The following NRG3 variants were observed in gnomAD, a reference collection of about 807,000 sequenced individuals.
NRG3 encodes the protein pro-neuregulin-3, membrane-bound isoform.
In NRG3, 31 loss-of-function variants were observed where a neutral mutation model predicts 66.9. That is an observed-to-expected ratio of 0.46 (90% CI 0.35 to 0.63). The LOEUF (loss-of-function observed/expected upper bound fraction) is 0.63. Ranked by LOEUF, NRG3 falls within the 20% of genes least tolerant of loss-of-function variation. The probability of loss-of-function intolerance (pLI) is 0.00; values close to 1 mark genes in which losing one functional copy is unlikely to be tolerated. For missense variants in NRG3, 910 were observed against 878.9 expected, an observed-to-expected ratio of 1.04 and a Z score of -0.45; for synonymous variants, 393 against 359.4, an observed-to-expected ratio of 1.09 and a Z score of -1.06.
At chr10:82,823,728 C>G (rs2062055246) in intron 3 of NRG3, among the ~76,000 whole-genome samples, 1 of 152,142 alleles carries the variant, frequency 6.6e-6, no homozygotes, top group African/African-American at 2.4e-5. Context: ...CCTCTTCCCT[C>G]ATCTCAGACA....
rs1001511606 is a variant in NRG3 at position 82,575,066 on chromosome 10, T to G, written c.954-163511T>G. On this transcript the variant is annotated intron_variant, in intron 2 of 8. Coordinates refer to ENST00000372141, the MANE Select transcript of NRG3 (RefSeq NM_001010848.4). ...GTATTCTCAAAAATTGCAGAGTGGA[T>G]AGTGTTATCAAAAGAAATAAAAGCT... is the stretch of plus-strand genomic sequence containing the variant. Among the ~76,000 whole-genome samples the G allele has an allele frequency of 2.5e-4, 38 of 151,716 alleles. 1 individual carries two copies. Among genetic ancestry groups the G allele is most frequent in the Non-Finnish European group, 1.0e-4 (7 of 67,802 alleles).
chr10:82,835,407 C>T (rs500485), intron 3 of NRG3, among the ~76,000 whole-genome samples: 33,660 of 152,012 alleles, frequency 0.22, 4,131 homozygotes, highest in East Asian at 0.32. Context: ...ATTAAAAATG[C>T]AAGATTTACA....
At chr10:82,005,373 T>A (rs918215303) in intron 1 of NRG3, among the ~76,000 whole-genome samples, 1 of 152,242 alleles carries the variant, frequency 6.6e-6, no homozygotes, top group African/African-American at 2.4e-5. Flanking sequence ...TTTTTAACCA[T>A]CACTTTTATG....
At chr10:81,975,079 G>A (rs932287114) in intron 1 of NRG3, among the ~76,000 whole-genome samples, 1 of 151,198 alleles carries the variant, frequency 6.6e-6, no homozygotes, top group Non-Finnish European at 1.5e-5. Context: ...TCTACACACA[G>A]CAATGAAGAA....
At chr10:81,878,089 G>A (rs1841845548) in intron 1 of NRG3, 1 of 1,530,776 alleles carries the variant, frequency 6.5e-7, no homozygotes. Flanking sequence ...TTAAAGAAAA[G>A]CCCAAGGTAA....
chr10:82,714,663 A>G (rs935207137), intron 2 of NRG3, among the ~76,000 whole-genome samples: 1 of 152,218 alleles, frequency 6.6e-6, no homozygotes, highest in African/African-American at 2.4e-5. Flanking sequence ...GCAAATTCTA[A>G]ATAAGGATTG....
At chr10:82,720,778 TAAGTA>T (rs2057249943) in intron 2 of NRG3, among the ~76,000 whole-genome samples, 2 of 140,342 alleles carry the variant, frequency 1.4e-5, no homozygotes. Context: ...AATTTATTCC[TAAGTA>T]AAACACATAT....
At chr10:82,233,066 C>A (rs1168404438) in intron 1 of NRG3, 1 of 474,618 alleles carries the variant, frequency 2.1e-6, no homozygotes, top group African/African-American at 1.9e-5. Context: ...GGTCCCTTTC[C>A]TATCTTAAGT....
chr10:82,584,211 G>A (rs950868278), intron 2 of NRG3, among the ~76,000 whole-genome samples: 2 of 152,026 alleles, frequency 1.3e-5, no homozygotes, highest in South Asian at 4.1e-4. Context: ...CTCAGCCTCT[G>A]GAGTAGCTGG....
At chr10:82,475,783 A>G (rs544244385) in intron 2 of NRG3, among the ~76,000 whole-genome samples, 14 of 152,322 alleles carry the variant, frequency 9.2e-5, no homozygotes, top group East Asian at 5.8e-4. Context: ...GGATCTGGCA[A>G]TGATCTTTTG....
At chr10:82,881,375 A>G (rs947507699) in intron 4 of NRG3, among the ~76,000 whole-genome samples, 1 of 152,244 alleles carries the variant, frequency 6.6e-6, no homozygotes, top group African/African-American at 2.4e-5. Flanking sequence ...TAATGAAGTA[A>G]TAACAGCTGT....
At chr10:82,938,756 G>A (rs1011517247) in intron 4 of NRG3, among the ~76,000 whole-genome samples, 5 of 152,200 alleles carry the variant, frequency 3.3e-5, no homozygotes, top group African/African-American at 1.2e-4. Flanking sequence ...ATAGGTCACA[G>A]CTAGAAGATT....
At chr10:82,302,454 C>A (rs1364341315) in intron 1 of NRG3, among the ~76,000 whole-genome samples, 1 of 151,946 alleles carries the variant, frequency 6.6e-6, no homozygotes, top group East Asian at 1.9e-4. Flanking sequence ...TAATAGTATA[C>A]TTTGTATAAA....
At position 82,530,143 on chromosome 10, in the gene NRG3, T is replaced by C. The variant is rs182955842; in HGVS notation, c.953+171275T>C. 3.7e-4 allele frequency among the ~76,000 whole-genome samples: 57 copies of C among 152,226 alleles called. 1 individual carries two copies. In the East Asian group the frequency reaches 7.1e-3, roughly 19 times the overall value. ...GAAATTTAGTTATAAGAGTTCAAAA[T>C]GAATATTAAAGAGAAACTACTTGTT... On this transcript the variant is annotated intron_variant, in intron 2 of 8. Transcript: ENST00000372141.
chr10:82,970,646 G>A (rs1326514749), intron 6 of NRG3, among the ~76,000 whole-genome samples: 1 of 152,018 alleles, frequency 6.6e-6, no homozygotes, highest in African/African-American at 2.4e-5. Context: ...AATAGCCTAT[G>A]TTTCCCCAGG....
chr10:82,584,961 A>G lies in NRG3; in HGVS notation c.954-153616A>G, dbSNP rs141462493. 5.3e-3 allele frequency among the ~76,000 whole-genome samples: 796 copies of G among 149,190 alleles called. 7 individuals are homozygous for G. Among genetic ancestry groups the G allele is most frequent in the African/African-American group, 0.019 (758 of 40,316 alleles). ...AGATTTACTGGAGGATCTCTTCCCC[A>G]AGCAATTGTTGTTGCTGTTGTTGTT... is the stretch of plus-strand genomic sequence containing the variant. On this transcript the variant is annotated intron_variant, in intron 2 of 8. Transcript: ENST00000372141.
intron 2 of NRG3, among the ~76,000 whole-genome samples, chr10:82,512,638 G>A (rs1414593716): frequency 6.6e-6 from 1 of 152,124 alleles, no homozygotes; most frequent in Non-Finnish European, 1.5e-5. Flanking sequence ...TACGCTCTCA[G>A]TAAGTTTCAG....
chr10:81,996,845 T>C (rs2060958943), intron 1 of NRG3, among the ~76,000 whole-genome samples: 1 of 152,132 alleles, frequency 6.6e-6, no homozygotes, highest in African/African-American at 2.4e-5. Context: ...TTTGGAACCT[T>C]ACCAAGTAGT....
chr10:82,270,987 C>T (rs1251663519), intron 1 of NRG3, among the ~76,000 whole-genome samples: 1 of 152,052 alleles, frequency 6.6e-6, no homozygotes, highest in African/African-American at 2.4e-5. Context: ...GAGACCTTAT[C>T]TCAGAGAATG....
Sources: gnomAD v4.1 joint callset for allele counts (sites outside exome capture counted in the v4.1 genomes callset) on GRCh38, gnomAD v4.1.1 for gene constraint, MANE v1.5 for transcripts, NCBI Gene and HGNC (gene_info 2026-07-23, HGNC 2026-07-21) for gene names.